The following NAMPT variants were observed in gnomAD, a reference collection of about 807,000 sequenced individuals.
NAMPT encodes nicotinamide phosphoribosyltransferase.
NAMPT carries 7 observed loss-of-function variants against 58.7 expected under a neutral mutation model. That is an observed-to-expected ratio of 0.12 (90% CI 0.07 to 0.22). The LOEUF is 0.22. NAMPT is among the 10% of genes least tolerant of loss of function. The pLI, the probability that NAMPT is intolerant of heterozygous loss-of-function variation, is 1.00. For synonymous variants in NAMPT, 145 were observed against 198.1 expected (o/e 0.73, Z 2.25); for missense variants, 271 against 567.9 (o/e 0.48, Z 5.31).
At chr7:106,262,293 A>T (rs1384554671) in intron 7 of NAMPT, among the ~76,000 whole-genome samples, 1 of 152,126 alleles carries the variant, frequency 6.6e-6, no homozygotes, top group African/African-American at 2.4e-5. Flanking sequence ...AGTTTTGTAC[A>T]CCAAATTAAA....
intron 7 of NAMPT, among the ~76,000 whole-genome samples, chr7:106,262,101 C>T (rs1223000171): frequency 1.3e-5 from 2 of 151,930 alleles, no homozygotes; most frequent in Non-Finnish European, 2.9e-5. Context: ...CTGCTTGTGC[C>T]CAATGACTTT....
At chr7:106,252,774 A>G (rs1792124999) in intron 10 of NAMPT, among the ~76,000 whole-genome samples, 2 of 152,102 alleles carry the variant, frequency 1.3e-5, no homozygotes, top group African/African-American at 4.8e-5. Flanking sequence ...AGTGTATACA[A>G]ACTTGCTGTC....
chr7:106,264,760 A>C (rs1331759926), intron 6 of NAMPT, among the ~76,000 whole-genome samples: 2 of 152,256 alleles, frequency 1.3e-5, no homozygotes, highest in Non-Finnish European at 2.9e-5. Context: ...TCTCCTCAGT[A>C]AATAATAAAA....
intron 5 of NAMPT, among the ~76,000 whole-genome samples, chr7:106,268,837 AC>A (rs1792476927): frequency 6.6e-6 from 1 of 152,036 alleles, no homozygotes; most frequent in African/African-American, 2.4e-5. Context: ...ACAGTGTCCC[AC>A]CCCCACTTTT....
At chr7:106,267,840 C>A (rs1180866250) in intron 6 of NAMPT, among the ~76,000 whole-genome samples, 3 of 33,176 alleles carry the variant, frequency 9.0e-5, no homozygotes, top group Non-Finnish European at 1.6e-4. Flanking sequence ...GACTCCGTCT[C>A]AAAAAAAAAA....
intron 1 of NAMPT, among the ~76,000 whole-genome samples, chr7:106,278,140 G>A (rs1699875494): frequency 6.6e-6 from 1 of 151,958 alleles, no homozygotes; most frequent in Non-Finnish European, 1.5e-5. Context: ...TTCCTGTTTA[G>A]CTTTGATCTC....
At chr7:106,285,057 C>A, upstream of NAMPT, 1 of 1,356,168 alleles carries the variant, frequency 7.4e-7, no homozygotes, top group Admixed American at 2.8e-5. Context: ...GGCCCGGGAG[C>A]CGTGACGCGG....
chr7:106,257,722 A>G (rs1248085474), intron 8 of NAMPT, among the ~76,000 whole-genome samples: 2 of 152,160 alleles, frequency 1.3e-5, no homozygotes, highest in Non-Finnish European at 2.9e-5. Flanking sequence ...TTTTGAAAGG[A>G]AAGTTTTGAG....
intron 1 of NAMPT, among the ~76,000 whole-genome samples, chr7:106,281,728 T>C (rs2115840926): frequency 6.6e-6 from 1 of 152,352 alleles, no homozygotes; most frequent in East Asian, 1.9e-4. Context: ...TTTGAAGCAA[T>C]ACTCACTCAT....
chr7:106,266,794 T>C (rs1027893136), intron 6 of NAMPT, among the ~76,000 whole-genome samples: 3 of 152,210 alleles, frequency 2.0e-5, no homozygotes, highest in African/African-American at 4.8e-5. Context: ...AAAAGTCCCC[T>C]AAGATATTTA....
intron 1 of NAMPT, among the ~76,000 whole-genome samples, chr7:106,278,729 A>C (rs549352550): frequency 1.3e-5 from 2 of 152,332 alleles, no homozygotes; most frequent in South Asian, 2.1e-4. Flanking sequence ...AAACACACCC[A>C]AGATGTATGT....
intron 3 of NAMPT, among the ~76,000 whole-genome samples, chr7:106,273,048 C>CGTT (rs1792567258): frequency 6.6e-6 from 1 of 152,044 alleles, no homozygotes; most frequent in African/African-American, 2.4e-5. Context: ...ATTCTAAATT[C>CGTT]GTTATTTTCA....
At chr7:106,259,861 T>C (rs947961400) in intron 8 of NAMPT, among the ~76,000 whole-genome samples, 2 of 150,762 alleles carry the variant, frequency 1.3e-5, no homozygotes, top group Non-Finnish European at 1.5e-5. Flanking sequence ...CCATCTGCAA[T>C]GATATTTCGA....
chr7:106,270,179 A>G (rs1792505506), intron 4 of NAMPT: 1 of 252,518 alleles, frequency 4.0e-6, no homozygotes. Flanking sequence ...AAGTCTGTCT[A>G]ATCACAGCAA....
chr7:106,274,861 CACAAA>C (rs1792603619), intron 3 of NAMPT, 80 bp downstream of exon 3: 18 of 918,184 alleles, frequency 2.0e-5, no homozygotes, highest in Non-Finnish European at 2.7e-5. Context: ...TCTCAAAAAA[CACAAA>C]ACAAAAACAA....
chr7:106,285,021 G>T, upstream of NAMPT: 1 of 1,433,124 alleles, frequency 7.0e-7, no homozygotes. Context: ...GGGAAACGGA[G>T]AGAGGGGAGG....
intron 2 of NAMPT, 47 bp from the exon 3 acceptor site, chr7:106,275,096 G>C: frequency 8.4e-7 from 1 of 1,191,522 alleles, no homozygotes. Context: ...GGTGCATTCT[G>C]TGAGTTGCTG....
At chr7:106,275,094 C>T (rs1792606977) in intron 2 of NAMPT, 45 bp from the exon 3 acceptor site, 1 of 1,187,238 alleles carries the variant, frequency 8.4e-7, no homozygotes, top group South Asian at 1.3e-5. Flanking sequence ...AAGGTGCATT[C>T]TGTGAGTTGC....
chr7:106,267,840 C>CAAAAAAAAAAAAAAAAAAAAA lies in NAMPT; in HGVS notation c.743+603_743+623dup, dbSNP rs769070307. Among the ~76,000 whole-genome samples the CAAAAAAAAAAAAAAAAAAAAA allele has an allele frequency of 1.1e-3, 35 of 33,176 alleles. 7 individuals are homozygous for CAAAAAAAAAAAAAAAAAAAAA. The highest frequency in any genetic ancestry group is 3.5e-3 in the East Asian group (3 of 858). 21.8% of individuals were successfully genotyped at this position (33,176 alleles called of 152,430 possible). On this transcript the variant is annotated intron_variant, in intron 6 of 10. Transcript: ENST00000222553. The stretch of plus-strand genomic sequence containing the variant: ...TGGGCGACAGAGCGAGACTCCGTCT[C>CAAAAAAAAAAAAAAAAAAAAA]AAAAAAAAAAAAAAAAAAAAAAAAA...
Sources: gnomAD v4.1 joint callset for allele counts (sites outside exome capture counted in the v4.1 genomes callset) on GRCh38, gnomAD v4.1.1 for gene constraint, MANE v1.5 for transcripts, NCBI Gene and HGNC (gene_info 2026-07-23, HGNC 2026-07-21) for gene names.